GDNF: variants seen among roughly 807,000 people sequenced by gnomAD.
GDNF encodes the protein glial cell line-derived neurotrophic factor.
A neutral mutation model predicts 13.7 loss-of-function variants in GDNF; 5 were observed. The observed-to-expected ratio is 0.36, with a 90% CI of 0.19 to 0.77. GDNF has a LOEUF of 0.77. GDNF is among the 30% of genes least tolerant of loss of function. The pLI, the probability that GDNF is intolerant of heterozygous loss-of-function variation, is 0.51. For synonymous variants in GDNF, 122 were observed against 112.5 expected, an observed-to-expected ratio of 1.08 and a Z score of -0.53; for missense variants, 246 against 274.3, an observed-to-expected ratio of 0.90 and a Z score of 0.73.
chr5:37,836,665 GC>G (rs1283963393), intron 1 of GDNF, among the ~76,000 whole-genome samples: 1 of 152,148 alleles, frequency 6.6e-6, no homozygotes, highest in Non-Finnish European at 1.5e-5. Context: ...CCCCCCTCAA[GC>G]CCCCCGCCGG....
chr5:37,830,865 G>A (rs1176997644), intron 2 of GDNF, among the ~76,000 whole-genome samples: 3 of 152,196 alleles, frequency 2.0e-5, no homozygotes, highest in Non-Finnish European at 4.4e-5. Flanking sequence ...TCCTAGTCTG[G>A]TCTGAATGTG....
rs71604877 is a variant in GDNF, at chr5:37,813,560, CTTTTTTTTTTTTT to C, written c.*2078_*2090del. On this transcript the variant is annotated 3_prime_UTR_variant, in exon 3 of 3. Transcript: ENST00000326524. ...CCTATGCTTCCTCCTGCTCCAACCT[CTTTTTTTTTTTTT>C]TTTTTTTTTTGAGACAGGGTACCGC... is the stretch of plus-strand genomic sequence containing the variant. The C allele has an allele frequency of 3.4e-5, 3 of 87,026 alleles. No homozygotes were observed. Among genetic ancestry groups the C allele is most frequent in the Non-Finnish European group, 6.2e-5 (3 of 48,194 alleles). The allele number at this position is 87,026 out of a possible 1,614,324, so 5.4% of individuals were successfully genotyped here. A position where few individuals can be genotyped will look rare whatever the true frequency, so the allele number is the denominator to read the frequency against.
At chr5:37,835,939 A>C in intron 1 of GDNF, 2 of 493,272 alleles carry the variant, frequency 4.1e-6, no homozygotes, top group Non-Finnish European at 7.3e-6. Flanking sequence ...ACACCCCTAC[A>C]AAGGAGGGCC....
At chr5:37,835,729 A>C (rs1750681403) in intron 1 of GDNF, 1 of 1,349,886 alleles carries the variant, frequency 7.4e-7, no homozygotes, top group Admixed American at 2.0e-5. Flanking sequence ...TGCACCTTTG[A>C]GAGATTCTGG....
At position 37,816,073 on chromosome 5, in the gene GDNF, T is replaced by G; in HGVS notation, c.214A>C (p.Ile72Leu). The G allele has an allele frequency of 6.2e-7, 1 of 1,613,580 alleles. No homozygotes were observed. Among genetic ancestry groups the G allele is most frequent in the South Asian group, 1.1e-5 (1 of 91,064 alleles). ...DDVMDFIQAT[I>L]KRLKRSPDKQ... ...TCTGGTGACCTTTTCAGTCTTTTAATGGTGGCTTGAATAAAATCCATGACA... is the reference window on the plus strand; with the variant it reads ...TCTGGTGACCTTTTCAGTCTTTTAAGGGTGGCTTGAATAAAATCCATGACA... The change falls in exon 3 of 3, where the codon ATT (isoleucine) becomes CTT (leucine). Residue 72 changes from isoleucine (I) to leucine (L), a missense_variant. Coordinates refer to ENST00000326524, the MANE Select transcript of GDNF (RefSeq NM_000514.4).
rs35549586 is a variant in GDNF at position 37,812,822 on chromosome 5, TA to T, written c.*2828del. ...TTCCAAACAAGTGCACTCCTTACGG[TA>T]TCAGATGGTGATCGCAATGATAAAG... On this transcript the variant is annotated 3_prime_UTR_variant, in exon 3 of 3. Transcript: ENST00000326524. 0.28 allele frequency: 43,146 copies of T among 151,938 alleles called. 6,908 individuals carry two copies. Among genetic ancestry groups the T allele is most frequent in the Non-Finnish European group, 0.37 (25,337 of 67,886 alleles). The allele number at this position is 151,938 out of a possible 1,614,324, so 9.4% of individuals were successfully genotyped here.
intron 2 of GDNF, among the ~76,000 whole-genome samples, chr5:37,826,193 A>T (rs1750307818): frequency 6.6e-6 from 1 of 152,190 alleles, no homozygotes; most frequent in Non-Finnish European, 1.5e-5. Context: ...GGGGCTAGTC[A>T]CACCTTTACC....
Position 37,812,900 on chromosome 5 carries a change from A to G in GDNF, c.*2751T>C, listed in dbSNP as rs943753991. 2.6e-5 allele frequency: 4 copies of G among 152,204 alleles called. No individual in the cohort carries two copies. The highest frequency in any genetic ancestry group is 5.9e-5 in the Non-Finnish European group (4 of 68,034). The allele number at this position is 152,204 out of a possible 1,614,324, so 9.4% of individuals were successfully genotyped here. A position where few individuals can be genotyped will look rare whatever the true frequency, so the allele number is the denominator to read the frequency against. ...GGATTTGGTGGAGCAACTTGCTTCC[A>G]TTAAAACCTGCTTGTGGTGTGTAGG... On this transcript the variant is annotated 3_prime_UTR_variant, in exon 3 of 3. Transcript: ENST00000326524.
intron 2 of GDNF, among the ~76,000 whole-genome samples, chr5:37,828,409 C>G (rs145005984): frequency 1.3e-5 from 2 of 152,212 alleles, no homozygotes; most frequent in African/African-American, 4.8e-5. Flanking sequence ...TTAAGCCTAC[C>G]GCAGCCCAAA....
At chr5:37,832,888 C>G (rs6872747) in intron 2 of GDNF, among the ~76,000 whole-genome samples, 5,138 of 152,280 alleles carry the variant, frequency 0.034, 291 homozygotes, top group African/African-American at 0.12. Flanking sequence ...CCAGGTGACT[C>G]CAATCTCTTC....
Position 37,834,812 on chromosome 5 carries a change from G to A in GDNF, c.-16C>T. On this transcript the variant is annotated 5_prime_UTR_variant, in exon 2 of 3. Coordinates refer to ENST00000326524, the MANE Select transcript of GDNF (RefSeq NM_000514.4). ...ATAACTTCATCTTAAAGTCCCGTCCGGCGGCGGCACCTGCGCGGGCAGGCG... is the reference window on the plus strand; with the variant it reads ...ATAACTTCATCTTAAAGTCCCGTCCAGCGGCGGCACCTGCGCGGGCAGGCG... The A allele has an allele frequency of 1.2e-6, 2 of 1,612,432 alleles. No homozygotes were observed. Among genetic ancestry groups the A allele is most frequent in the Non-Finnish European group, 8.5e-7 (1 of 1,179,322 alleles).
chr5:37,835,549 C>T (rs1028067977), intron 1 of GDNF: 13 of 1,471,382 alleles, frequency 8.8e-6, no homozygotes, highest in Admixed American at 7.9e-5. Context: ...TAAAATACTC[C>T]TCCCACCTCT....
chr5:37,831,775 T>C lies in GDNF; in HGVS notation c.151+2871A>G, dbSNP rs376122459. The stretch of plus-strand genomic sequence containing the variant: ...CAAGTTTCAACTTGCAGATTCCTCA[T>C]GCCTGCTCTAATTGCCCTTTGGAAA... On this transcript the variant is annotated intron_variant, in intron 2 of 2. Coordinates refer to ENST00000326524, the MANE Select transcript of GDNF (RefSeq NM_000514.4). Among the ~76,000 whole-genome samples the C allele has an allele frequency of 6.7e-4, 102 of 152,336 alleles. 1 individual carries two copies. The highest frequency in any genetic ancestry group is 6.8e-3 in the Middle Eastern group (2 of 294).
intron 2 of GDNF, among the ~76,000 whole-genome samples, chr5:37,821,826 A>G (rs1306739848): frequency 6.6e-6 from 1 of 152,258 alleles, no homozygotes; most frequent in Admixed American, 6.5e-5. Flanking sequence ...AACAATGGTG[A>G]GGGCTCCAAG....
intron 2 of GDNF, among the ~76,000 whole-genome samples, 179 bp downstream of exon 2, chr5:37,834,467 G>A (rs779286897): frequency 2.6e-5 from 4 of 152,328 alleles, no homozygotes; most frequent in Non-Finnish European, 5.9e-5. Context: ...CAGGCCAGGC[G>A]TGCGGGCAGC....
In GDNF at chr5:37,815,100, T is replaced by G. The variant is rs886121103; in HGVS notation, c.*551A>C. On this transcript the variant is annotated 3_prime_UTR_variant, in exon 3 of 3. Coordinates refer to ENST00000326524, the MANE Select transcript of GDNF (RefSeq NM_000514.4). The surrounding 1 kb of genome is among the most constrained non-coding windows in gnomAD (Gnocchi z 5.0). ...TTCAAATGCAAAGGTGATTATCTCT[T>G]GTATCTTTGCTTTTTTTTTCCCCTC... The G allele has an allele frequency of 6.3e-6, 1 of 158,204 alleles. No homozygotes were observed. Among genetic ancestry groups the G allele is most frequent in the Non-Finnish European group, 1.4e-5 (1 of 71,682 alleles). 9.8% of individuals were successfully genotyped at this position (158,204 alleles called of 1,614,324 possible).
Position 37,837,573 on chromosome 5 carries a change from G to T in GDNF, c.-27+1934C>A, listed in dbSNP as rs1374172594. ...GAGTTCCCGGCAGCAGGGGGCACCA[G>T]AAACCGTCTGAGCCGTGTCGCGCCC... is the stretch of plus-strand genomic sequence containing the variant. On this transcript the variant is annotated intron_variant, in intron 1 of 2. Transcript: ENST00000326524. The surrounding 1 kb of genome is among the most constrained non-coding windows in gnomAD (Gnocchi z 6.5). Among the ~76,000 whole-genome samples the T allele has an allele frequency of 6.6e-6, 1 of 152,220 alleles. No homozygotes were observed. The highest frequency in any genetic ancestry group is 1.9e-4 in the East Asian group (1 of 5,184).
intron 1 of GDNF, among the ~76,000 whole-genome samples, chr5:37,836,433 T>C (rs182811932): frequency 4.5e-4 from 69 of 152,248 alleles, no homozygotes; most frequent in African/African-American, 1.6e-3. Flanking sequence ...CCTGAGCGTC[T>C]GTTTGTTCGC....
At chr5:37,825,219 A>G (rs750460195) in intron 2 of GDNF, among the ~76,000 whole-genome samples, 1 of 152,222 alleles carries the variant, frequency 6.6e-6, no homozygotes, top group Non-Finnish European at 1.5e-5. Flanking sequence ...CTCCATCAAT[A>G]CAAACAGCCA....
Sources: gnomAD v4.1 joint callset for allele counts (sites outside exome capture counted in the v4.1 genomes callset) on GRCh38, gnomAD v4.1.1 for gene constraint, Gnocchi (gnomAD v3.1) non-coding constraint, MANE v1.5 for transcripts, NCBI Gene and HGNC (gene_info 2026-07-23, HGNC 2026-07-21) for gene names.